Variants in CPXM2 observed in about 807,000 individuals in gnomAD.
CPXM2 encodes the protein carboxypeptidase X, M14 family member 2, also known as inactive carboxypeptidase-like protein X2.
CPXM2 carries 66 observed loss-of-function variants against 86.1 expected under a neutral mutation model. The ratio of observed to expected loss-of-function variants is 0.77; its 90% CI spans 0.63 to 0.94. The LOEUF (loss-of-function observed/expected upper bound fraction) is 0.94, where lower values mean the gene tolerates loss of function less well. CPXM2 is among the 40% of genes least tolerant of loss of function. The pLI is 0.00. For missense variants in CPXM2, 948 were observed against 1,026.3 expected (o/e 0.92, Z 1.04); for synonymous variants, 388 against 400.2 (o/e 0.97, Z 0.36).
upstream of CPXM2, among the ~76,000 whole-genome samples, chr10:123,940,423 C>T (rs1432678672): frequency 1.3e-5 from 2 of 152,214 alleles, no homozygotes; most frequent in African/African-American, 4.8e-5. Context: ...GTGCACGGGA[C>T]ATCTGTGCCC....
chr10:123,835,450 C>T (rs7071884), intron 4 of CPXM2, among the ~76,000 whole-genome samples: 18,621 of 152,176 alleles, frequency 0.12, 1,298 homozygotes, highest in Middle Eastern at 0.19. Flanking sequence ...ATTGCTGAAA[C>T]TTAACATAAA....
rs1315680477 is a variant in CPXM2 at position 123,766,996 on chromosome 10, A to T, written c.1456T>A (p.Trp486Arg). The T allele has an allele frequency of 6.2e-7, 1 of 1,614,030 alleles. No homozygotes were observed. Among genetic ancestry groups the T allele is most frequent in the Admixed American group, 1.7e-5 (1 of 60,024 alleles). ...ACCGTGGCATTTTCCGACAGAAACCACTCAGGGATTGCAATATAGTGATTG... is the reference window on the plus strand; with the variant it reads ...ACCGTGGCATTTTCCGACAGAAACCTCTCAGGGATTGCAATATAGTGATTG... ...VPNHYIAIPE[W>R]FLSENATVAA... is the part of the protein sequence containing the mutation. The change falls in exon 10 of 14, where the codon TGG (tryptophan) becomes AGG (arginine). Residue 486 changes from tryptophan to arginine, a missense_variant. Trp to Arg is a moderately radical substitution (Grantham distance 101, BLOSUM62 -3). Transcript: ENST00000241305.
At chr10:123,785,841 G>T (rs747237136) in intron 6 of CPXM2, among the ~76,000 whole-genome samples, 49 of 151,996 alleles carry the variant, frequency 3.2e-4, no homozygotes, top group Non-Finnish European at 1.5e-4. Context: ...CACAGTGTTA[G>T]CCAGGATGTT....
chr10:123,835,176 G>A (rs556056319), intron 4 of CPXM2, among the ~76,000 whole-genome samples: 1 of 152,250 alleles, frequency 6.6e-6, no homozygotes, highest in South Asian at 2.1e-4. Context: ...ACAGCAAGGG[G>A]GCCTCCCCAT....
chr10:123,921,037 A>G, intron 2 of CPXM2, among the ~76,000 whole-genome samples: 1 of 152,230 alleles, frequency 6.6e-6, no homozygotes, highest in East Asian at 1.9e-4. Context: ...CAAAAAACAG[A>G]TGAAGACAAT....
intron 2 of CPXM2, among the ~76,000 whole-genome samples, chr10:123,930,827 T>C (rs1945661465): frequency 6.6e-6 from 1 of 152,234 alleles, no homozygotes; most frequent in Non-Finnish European, 1.5e-5. Context: ...AATAGTTTAA[T>C]GTTAGATGAT....
At position 123,784,288 on chromosome 10, in the gene CPXM2, C is replaced by A. The variant is rs1847001510; in HGVS notation, c.890-4033G>T. The stretch of plus-strand genomic sequence containing the variant: ...GTACCACTGGCAGCTCTGAGAGAGA[C>A]CTGGAACAAATTCTCCCTGACAGCC... On this transcript the variant is annotated intron_variant, in intron 6 of 13. Transcript: ENST00000241305. Among the ~76,000 whole-genome samples, 3 of 152,162 alleles carry A rather than the reference C, an allele frequency of 2.0e-5. 1 individual carries two copies. The highest frequency in any genetic ancestry group is 2.0e-4 in the Admixed American group (3 of 15,282).
chr10:123,772,465 G>A (rs911446673), intron 7 of CPXM2, among the ~76,000 whole-genome samples: 1 of 151,718 alleles, frequency 6.6e-6, no homozygotes, highest in Non-Finnish European at 1.5e-5. Context: ...TCACCTCCCT[G>A]GTCATGGTTA....
At position 123,754,692 on chromosome 10, in the gene CPXM2, A is replaced by C; in HGVS notation, c.1988T>G (p.Val663Gly). The C allele has an allele frequency of 6.2e-7, 1 of 1,606,110 alleles. No homozygotes were observed. Among genetic ancestry groups the C allele is most frequent in the Non-Finnish European group, 8.5e-7 (1 of 1,172,610 alleles). The part of the protein sequence containing the change: ...GKGIPNAIIS[V>G]EGINHDIRTA... Reference sequence around the variant, plus strand: ...TCGGATGTCATGGTTAATGCCTTCTACGGAGATAATGGCGTTTGGGATTCC... The same window carrying C: ...TCGGATGTCATGGTTAATGCCTTCTCCGGAGATAATGGCGTTTGGGATTCC... Residue 663 changes from valine (V) to glycine (G), a missense_variant, in exon 13 of 14, where the codon GTA becomes GGA. Physicochemically the swap from Val to Gly is moderately radical, Grantham distance 109. Transcript: ENST00000241305. The surrounding 1 kb of genome is among the most constrained non-coding windows in gnomAD (Gnocchi z 4.0).
chr10:123,759,228 G>A (rs984319192), intron 11 of CPXM2, among the ~76,000 whole-genome samples: 3 of 152,218 alleles, frequency 2.0e-5, no homozygotes, highest in African/African-American at 7.2e-5. Flanking sequence ...TACAGACAGT[G>A]CAAGAAGGCC....
At chr10:123,834,161 G>C (rs764924511) in intron 4 of CPXM2, among the ~76,000 whole-genome samples, 3 of 152,150 alleles carry the variant, frequency 2.0e-5, no homozygotes, top group Non-Finnish European at 4.4e-5. Context: ...CCTGGTAATC[G>C]GGGACAGAGA....
At chr10:123,761,786 C>T (rs549600217) in intron 11 of CPXM2, 86 bp downstream of exon 11, 1 of 1,345,838 alleles carries the variant, frequency 7.4e-7, no homozygotes, top group Non-Finnish European at 1.0e-6. Context: ...GACAACAGGA[C>T]AGTAGTGACA....
chr10:123,795,848 G>T lies in CPXM2; in HGVS notation c.889+2128C>A, dbSNP rs541815622. Among the ~76,000 whole-genome samples the T allele has an allele frequency of 8.5e-5, 13 of 152,234 alleles. No homozygotes were observed. In the South Asian group the frequency reaches 2.7e-3, roughly 32 times the overall value. ...CCATCTTCAAACACGCACACACCAA[G>T]AATAACTTCACAGGGAAGTATTTAT... On this transcript the variant is annotated intron_variant, in intron 6 of 13. Coordinates refer to ENST00000241305, the MANE Select transcript of CPXM2 (RefSeq NM_198148.3).
intron 2 of CPXM2, among the ~76,000 whole-genome samples, chr10:123,873,236 C>G (rs1036927953): frequency 6.8e-6 from 1 of 146,992 alleles, no homozygotes; most frequent in Non-Finnish European, 1.5e-5. Flanking sequence ...TAACTATACA[C>G]CTGTAGTCTA....
chr10:123,854,900 T>C (rs1338808863), intron 3 of CPXM2, among the ~76,000 whole-genome samples: 1 of 152,098 alleles, frequency 6.6e-6, no homozygotes, highest in Non-Finnish European at 1.5e-5. Context: ...ACAGAATCTA[T>C]ATCTGAACCA....
intron 13 of CPXM2, chr10:123,750,739 T>C (rs1026034519): frequency 2.0e-6 from 2 of 985,290 alleles, no homozygotes; most frequent in Non-Finnish European, 2.4e-6. Context: ...CAGGACTGTG[T>C]GTGGGTTCAC....
intron 7 of CPXM2, among the ~76,000 whole-genome samples, chr10:123,776,274 T>A (rs1392317438): frequency 1.3e-5 from 2 of 152,196 alleles, no homozygotes; most frequent in African/African-American, 4.8e-5. Context: ...TGAAAAAGAA[T>A]GTTGAGAAAT....
chr10:123,875,363 T>C (rs73366786), intron 2 of CPXM2, among the ~76,000 whole-genome samples: 3,126 of 152,264 alleles, frequency 0.021, 107 homozygotes, highest in African/African-American at 0.07. Context: ...GGGGTGTGAC[T>C]CTGTCCCAGT....
chr10:123,864,265 C>A (rs1159393028), intron 2 of CPXM2, among the ~76,000 whole-genome samples: 1 of 151,944 alleles, frequency 6.6e-6, no homozygotes, highest in African/African-American at 2.4e-5. Flanking sequence ...GAGAGAGAGA[C>A]CCCACCCACT....
Sources: gnomAD v4.1 joint callset for allele counts (sites outside exome capture counted in the v4.1 genomes callset) on GRCh38, gnomAD v4.1.1 for gene constraint, Gnocchi (gnomAD v3.1) non-coding constraint, MANE v1.5 for transcripts, NCBI Gene and HGNC (gene_info 2026-07-23, HGNC 2026-07-21) for gene names.